Variants in ARMC9 observed in about 807,000 individuals in gnomAD.
ARMC9 encodes the protein lisH domain-containing protein ARMC9.
Under a neutral mutation model 107.0 loss-of-function variants are expected in ARMC9, and 94 were observed. The ratio of observed to expected loss-of-function variants is 0.88; its 90% confidence interval spans 0.74 to 1.04. The LOEUF is 1.04. Among genes scored for constraint, ARMC9 ranks in the 50% least tolerant of loss-of-function variants. The probability of loss-of-function intolerance (pLI) is 0.00; values close to 1 mark genes in which losing one functional copy is unlikely to be tolerated. For synonymous variants in ARMC9, 380 were observed against 396.9 expected (o/e 0.96, Z 0.51); for missense variants, 942 against 1,030.1 (o/e 0.91, Z 1.17).
At chr2:231,332,409 T>G in intron 20 of ARMC9, among the ~76,000 whole-genome samples, 1 of 151,110 alleles carries the variant, frequency 6.6e-6, no homozygotes, top group Non-Finnish European at 1.5e-5. Context: ...AGAAAGTGAG[T>G]AGTCACTGCG....
chr2:231,370,081 C>T lies in ARMC9; in HGVS notation c.2390C>T (p.Ala797Val). The T allele has an allele frequency of 1.3e-6, 2 of 1,534,724 alleles. No individual in the cohort carries two copies. The highest frequency in any genetic ancestry group is 1.7e-6 in the Non-Finnish European group (2 of 1,146,032). ...TTCTCTTCGTGTGGCCCCCAGCAGGCCAGCCGCCCCGGCTCCACAGCGTCC... is the reference window on the plus strand; with the variant it reads ...TTCTCTTCGTGTGGCCCCCAGCAGGTCAGCCGCCCCGGCTCCACAGCGTCC... ...PLFSSCGPQQ[A>V]SRPGSTASST... is the part of the protein sequence containing the mutation. Residue 797 changes from alanine (A) to valine (V), a missense_variant, in exon 24 of 25, where the codon GCC (alanine) becomes GTC (valine). Coordinates refer to ENST00000611582, the MANE Select transcript of ARMC9 (RefSeq NM_001352754.2).
At chr2:231,330,018 C>T (rs2043613716) in intron 19 of ARMC9, among the ~76,000 whole-genome samples, 1 of 152,088 alleles carries the variant, frequency 6.6e-6, no homozygotes, top group Non-Finnish European at 1.5e-5. Context: ...TATCCTTTCT[C>T]ATTGAATTTC....
chr2:231,353,980 T>TACACACACACACACACAC (rs35433958), intron 21 of ARMC9, among the ~76,000 whole-genome samples: 1 of 135,292 alleles, frequency 7.4e-6, no homozygotes, highest in African/African-American at 3.1e-5. Flanking sequence ...TATGTATATA[T>TACACACACACACACACAC]ACACACACAC....
At chr2:231,209,217 A>G (rs996543119) in intron 3 of ARMC9, among the ~76,000 whole-genome samples, 2 of 151,956 alleles carry the variant, frequency 1.3e-5, no homozygotes, top group Non-Finnish European at 2.9e-5. Flanking sequence ...CCTCGTTTCT[A>G]TAAAAAATAA....
At chr2:231,292,546 A>G (rs2041088337) in intron 18 of ARMC9, among the ~76,000 whole-genome samples, 1 of 152,166 alleles carries the variant, frequency 6.6e-6, no homozygotes, top group Non-Finnish European at 1.5e-5. Flanking sequence ...CCCACATCCC[A>G]TAGTAAGCAG....
Position 231,375,434 on chromosome 2 carries a change from A to G in ARMC9, c.*3899A>G, listed in dbSNP as rs1221635071. 6.6e-6 allele frequency among the ~76,000 whole-genome samples: 1 copy of G among 152,228 alleles called. No individual in the cohort carries two copies. Among genetic ancestry groups the G allele is most frequent in the Non-Finnish European group, 1.5e-5 (1 of 68,052 alleles). ...AGGGACCCCGAATGAACCAGAGGCA[A>G]TACTGCTGCAAGCTACCACATAGAT... On this transcript the variant is annotated 3_prime_UTR_variant, in exon 25 of 25. Coordinates refer to ENST00000611582, the MANE Select transcript of ARMC9 (RefSeq NM_001352754.2). This position sits in a 1 kb window ranked among gnomAD's most constrained non-coding sequence, Gnocchi z 4.3.
intron 24 of ARMC9, 145 bp downstream of exon 24, chr2:231,370,270 C>T: frequency 9.7e-6 from 9 of 932,048 alleles, no homozygotes; most frequent in Non-Finnish European, 1.3e-5. Context: ...CCCTTCCCCA[C>T]ACAACCAGGC....
At position 231,278,390 on chromosome 2, in the gene ARMC9, A is replaced by G. The variant is rs1308174002; in HGVS notation, c.1483A>G (p.Met495Val). Reference sequence around the variant, plus strand: ...TGATTTGTTTCCCATAGGGAAGAACATGTGTGCCAAGGTGGCAGGCCTCGT... The same window carrying G: ...TGATTTGTTTCCCATAGGGAAGAACGTGTGTGCCAAGGTGGCAGGCCTCGT... Reference protein sequence around the residue: ...NLCLRSTGKNMCAKVAGLVLK... With the variant: ...NLCLRSTGKNVCAKVAGLVLK... The change falls in exon 16 of 25, where the codon ATG becomes GTG. Residue 495 changes from methionine (M) to valine (V), a missense_variant. By Grantham distance (21) the Met-to-Val change is conservative. Transcript: ENST00000611582. The G allele has an allele frequency of 6.2e-6, 10 of 1,614,002 alleles. No individual in the cohort carries two copies. Among genetic ancestry groups the G allele is most frequent in the Non-Finnish European group, 7.6e-6 (9 of 1,180,006 alleles).
Position 231,345,060 on chromosome 2 carries a change from C to T in ARMC9, c.1964C>T (p.Thr655Ile), listed in dbSNP as rs202164814. The T allele has an allele frequency of 1.5e-4, 234 of 1,613,406 alleles. No homozygotes were observed. Among genetic ancestry groups the T allele is most frequent in the Admixed American group, 6.4e-4 (38 of 59,804 alleles). ...GATGAGCCCCTGCAAAGGCCCGTCA[C>T]CCCCGGCGGCCACAGAAACGGGTAC... is the stretch of plus-strand genomic sequence containing the variant. ...SGDEPLQRPV[T>I]PGGHRNGYPV... The change falls in exon 21 of 25, where the codon ACC becomes ATC. Residue 655 changes from threonine to isoleucine, a missense_variant. Transcript: ENST00000611582.
In ARMC9 at chr2:231,276,653, C is replaced by T. The variant is rs1365026078; in HGVS notation, c.1352C>T (p.Ala451Val). The change falls in exon 15 of 25, where the codon GCG becomes GTG. Residue 451 changes from alanine (A) to valine (V), a missense_variant. Transcript: ENST00000611582. ...KFSLRRPLQT[A>V]MIQDGLIFWL... The stretch of plus-strand genomic sequence containing the variant: ...CTTCCCAGGCGCCCGCTGCAGACAG[C>T]GATGATTCAAGACGGCCTCATCTTC... 8.7e-6 allele frequency: 14 copies of T among 1,613,984 alleles called. No homozygotes were observed. Among genetic ancestry groups the T allele is most frequent in the African/African-American group, 4.0e-5 (3 of 74,908 alleles).
At chr2:231,244,127 C>A (rs1047155640) in intron 9 of ARMC9, among the ~76,000 whole-genome samples, 1 of 152,076 alleles carries the variant, frequency 6.6e-6, no homozygotes, top group African/African-American at 2.4e-5. Context: ...TTCACAAAAC[C>A]GTTGATGTCT....
At chr2:231,321,144 A>G (rs1312507224) in intron 19 of ARMC9, among the ~76,000 whole-genome samples, 1 of 152,210 alleles carries the variant, frequency 6.6e-6, no homozygotes, top group Admixed American at 6.5e-5. Context: ...GAAACAATCC[A>G]TGTCAAGTGC....
chr2:231,199,488 T>G (rs1328987412), intron 1 of ARMC9, among the ~76,000 whole-genome samples: 1 of 152,220 alleles, frequency 6.6e-6, no homozygotes, highest in Non-Finnish European at 1.5e-5. Flanking sequence ...AGCCGCTTAG[T>G]CACTTACTGT....
chr2:231,334,974 C>T (rs560134675), intron 20 of ARMC9, among the ~76,000 whole-genome samples: 6 of 152,246 alleles, frequency 3.9e-5, no homozygotes, highest in Admixed American at 6.5e-5. Flanking sequence ...CCCCTTGTTC[C>T]GATGTACTGG....
chr2:231,352,956 C>T (rs867459117), intron 21 of ARMC9, among the ~76,000 whole-genome samples: 1 of 140,672 alleles, frequency 7.1e-6, no homozygotes, highest in Admixed American at 6.6e-5. Flanking sequence ...AATCCCAGCA[C>T]TTTGGGAGGC....
At chr2:231,202,282 G>C (rs1179059080) in intron 1 of ARMC9, among the ~76,000 whole-genome samples, 1 of 150,588 alleles carries the variant, frequency 6.6e-6, no homozygotes, top group Non-Finnish European at 1.5e-5. Flanking sequence ...TTACAGGCGT[G>C]AGCCACCGTG....
intron 12 of ARMC9, among the ~76,000 whole-genome samples, chr2:231,268,803 C>T (rs1017774045): frequency 2.0e-5 from 3 of 152,040 alleles, no homozygotes; most frequent in Non-Finnish European, 4.4e-5. Context: ...GGCTCATGCC[C>T]ATAATTCTAG....
At chr2:231,369,598 CTT>C (rs71982424) in intron 23 of ARMC9, among the ~76,000 whole-genome samples, 57 of 128,130 alleles carry the variant, frequency 4.4e-4, no homozygotes, top group African/African-American at 8.1e-4. Context: ...CAGCCAGTTT[CTT>C]TTTTTTTTTT....
At chr2:231,237,751 A>ATG (rs1238247179) in intron 8 of ARMC9, among the ~76,000 whole-genome samples, 105 of 48,330 alleles carry the variant, frequency 2.2e-3, no homozygotes, top group African/African-American at 7.9e-3. Flanking sequence ...TCTTGGCTAT[A>ATG]TGTATATATA....
Sources: allele counts gnomAD v4.1 joint callset (sites outside exome capture counted in the v4.1 genomes callset), GRCh38; gene constraint gnomAD v4.1.1; non-coding constraint Gnocchi (gnomAD v3.1); transcripts MANE v1.5; gene names NCBI Gene and HGNC (gene_info 2026-07-23, HGNC 2026-07-21).